The following DST variants were observed in gnomAD, a reference collection of about 807,000 sequenced individuals.
The protein encoded by DST is dystonin.
DST carries 253 observed loss-of-function variants against 875.2 expected under a neutral mutation model. The ratio of observed to expected loss-of-function variants is 0.29; its 90% CI spans 0.26 to 0.32. The LOEUF (loss-of-function observed/expected upper bound fraction) is 0.32, where lower values mean the gene tolerates loss of function less well. Among genes scored for constraint, DST ranks in the 10% least tolerant of loss-of-function variants. The pLI, the probability that DST is intolerant of heterozygous loss-of-function variation, is 1.00. For missense variants in DST, 8,287 were observed against 9,111.6 expected, an observed-to-expected ratio of 0.91 and a Z score of 3.68; for synonymous variants, 3,124 against 3,197.1, an observed-to-expected ratio of 0.98 and a Z score of 0.77.
chr6:56,869,637 T>G lies in DST; in HGVS notation c.418-18033A>C, dbSNP rs554585226. ...ACCACAAGCTGATTCTCATGTGTAT[T>G]TTATGGCCCAAGTTCACACAATCTA... is the stretch of plus-strand genomic sequence containing the variant. On this transcript the variant is annotated intron_variant, in intron 3 of 103. Coordinates refer to ENST00000680361, the MANE Select transcript of DST (RefSeq NM_001374736.1). Among the ~76,000 whole-genome samples, 16 of 152,264 alleles carry G rather than the reference T, an allele frequency of 1.1e-4. No individual in the cohort carries two copies. In the South Asian group the frequency reaches 2.5e-3, roughly 24 times the overall value.
chr6:56,484,926 A>T, intron 88 of DST: 1 of 180,960 alleles, frequency 5.5e-6, no homozygotes, highest in South Asian at 1.2e-4. Context: ...CTACATACTT[A>T]TGCAATGACT....
At position 56,604,228 on chromosome 6, in the gene DST, T is replaced by A; in HGVS notation, c.10400A>T (p.Glu3467Val). The change falls in exon 40 of 104, where the codon GAA (glutamate) becomes GTA (valine). Residue 3467 changes from glutamate (E) to valine (V), a missense_variant. Physicochemically the swap from Glu to Val is moderately radical, Grantham distance 121. This residue lies in a region of DST where 3,138 missense variants were observed against 3,116.6 expected (regional missense o/e 1.01). Transcript: ENST00000680361. ...TAGGTCATACTCCATATGAGTTAAT[T>A]CTCTCATCAATTCAAATACTCCTGT... ...KITGVFELMR[E>V]LTHMEYDLEK... is the part of the protein sequence containing the mutation. 1 of 1,608,964 alleles carries A rather than the reference T, an allele frequency of 6.2e-7. No individual in the cohort carries two copies. The highest frequency in any genetic ancestry group is 8.5e-7 in the Non-Finnish European group (1 of 1,177,212).
chr6:56,805,076 T>G (rs1446603172), intron 4 of DST, among the ~76,000 whole-genome samples: 1 of 152,098 alleles, frequency 6.6e-6, no homozygotes, highest in East Asian at 1.9e-4. Context: ...TCAGATTACT[T>G]TTGTCTGTAA....
At chr6:56,484,501 G>T (rs1025740191) in intron 88 of DST, 9 of 152,040 alleles carry the variant, frequency 5.9e-5, no homozygotes, top group Admixed American at 3.9e-4. Flanking sequence ...ATTATAAATG[G>T]AATAAGTTTT....
intron 69 of DST, among the ~76,000 whole-genome samples, chr6:56,518,947 T>G (rs1354144895): frequency 6.6e-6 from 1 of 152,168 alleles, no homozygotes; most frequent in African/African-American, 2.4e-5. Flanking sequence ...TGCAACACTA[T>G]GCCAACTCAT....
intron 5 of DST, among the ~76,000 whole-genome samples, chr6:56,712,622 T>G (rs1011091824): frequency 6.6e-6 from 1 of 152,206 alleles, no homozygotes; most frequent in Non-Finnish European, 1.5e-5. Flanking sequence ...TAACAAAGTC[T>G]GCTTGACACA....
At chr6:56,723,520 C>T (rs1036378407) in intron 5 of DST, among the ~76,000 whole-genome samples, 1 of 152,036 alleles carries the variant, frequency 6.6e-6, no homozygotes, top group Non-Finnish European at 1.5e-5. Context: ...GCCAAGATCA[C>T]ACCACTGCAC....
chr6:56,471,092 G>T lies in DST; in HGVS notation c.22321+14C>A, dbSNP rs1479338877. On this transcript the variant is annotated intron_variant, in intron 95 of 103. Transcript: ENST00000680361. ...AAAATTGTATCAGTCATAGTCATCT[G>T]TCTTGGAACTTACTTGAGGAAAGAA... 6.2e-7 allele frequency: 1 copy of T among 1,608,816 alleles called. No individual in the cohort carries two copies. Among genetic ancestry groups the T allele is most frequent in the Non-Finnish European group, 8.5e-7 (1 of 1,177,112 alleles).
intron 31 of DST, among the ~76,000 whole-genome samples, chr6:56,629,867 T>C (rs2098763641): frequency 6.6e-6 from 1 of 152,236 alleles, no homozygotes; most frequent in African/African-American, 2.4e-5. Flanking sequence ...GAAATACACA[T>C]AGATGAGTTG....
chr6:56,687,997 A>T (rs2099200046), intron 9 of DST, among the ~76,000 whole-genome samples: 1 of 152,152 alleles, frequency 6.6e-6, no homozygotes, highest in South Asian at 2.1e-4. Context: ...ATACAAACAG[A>T]GGGGAAAGGC....
chr6:56,656,458 A>G (rs1249569365), intron 10 of DST, among the ~76,000 whole-genome samples: 1 of 152,238 alleles, frequency 6.6e-6, no homozygotes, highest in Non-Finnish European at 1.5e-5. Context: ...AACAGGGACT[A>G]ATAAATACTG....
At chr6:56,742,929 G>C (rs540424299) in intron 4 of DST, among the ~76,000 whole-genome samples, 4 of 152,292 alleles carry the variant, frequency 2.6e-5, no homozygotes, top group Non-Finnish European at 5.9e-5. Context: ...GAGTTGGGTA[G>C]TACTGTCCTC....
chr6:56,812,856 C>T (rs1363964447), intron 4 of DST, among the ~76,000 whole-genome samples: 1 of 152,050 alleles, frequency 6.6e-6, no homozygotes, highest in Non-Finnish European at 1.5e-5. Flanking sequence ...ACTAGAAATA[C>T]CATTTGACCC....
rs1219538001 is a variant in DST, at chr6:56,608,985, A to G, written c.5643T>C (p.Ser1881=). ...KVLEILLSTG[S]LVIPATGEQL... is the part of the protein sequence containing the mutation. The stretch of plus-strand genomic sequence containing the variant: ...GTTCTCCTGTGGCTGGAATAACCAG[A>G]GAGCCTGTAGAAAGCAGTATCTCAA... Residue 1881 remains serine, a synonymous_variant, in exon 40 of 104, where the codon TCT becomes TCC. Transcript: ENST00000680361. 1 of 1,613,900 alleles carries G rather than the reference A, an allele frequency of 6.2e-7. No homozygotes were observed. The highest frequency in any genetic ancestry group is 8.5e-7 in the Non-Finnish European group (1 of 1,179,796).
At chr6:56,583,161 G>A (rs1302940723) in intron 49 of DST, among the ~76,000 whole-genome samples, 1 of 152,194 alleles carries the variant, frequency 6.6e-6, no homozygotes, top group East Asian at 1.9e-4. Context: ...GATCCCTGAG[G>A]AATTGCCACA....
At chr6:56,905,742 G>A (rs1338241659) in intron 2 of DST, among the ~76,000 whole-genome samples, 2 of 151,450 alleles carry the variant, frequency 1.3e-5, no homozygotes, top group African/African-American at 2.4e-5. Flanking sequence ...TCCACCTCCC[G>A]GGCTCAAGCA....
intron 2 of DST, among the ~76,000 whole-genome samples, chr6:56,933,469 A>C (rs1811321133): frequency 1.3e-5 from 2 of 152,218 alleles, no homozygotes; most frequent in South Asian, 2.1e-4. Flanking sequence ...CCTTTCTTCC[A>C]CTGCAAACCT....
Position 56,619,462 on chromosome 6 carries a change from C to T in DST, c.4930-4978G>A, listed in dbSNP as rs774647287. On this transcript the variant is annotated intron_variant, in intron 36 of 103. Coordinates refer to ENST00000680361, the MANE Select transcript of DST (RefSeq NM_001374736.1). Reference sequence around the variant, plus strand: ...GTTCTTTTAGATGATCTGATTTTCTCTGGCAGATTTGTAGTCTTTCTAATT... The same window carrying T: ...GTTCTTTTAGATGATCTGATTTTCTTTGGCAGATTTGTAGTCTTTCTAATT... 14 of 1,611,852 alleles carry T rather than the reference C, an allele frequency of 8.7e-6. No individual in the cohort carries two copies. In the South Asian group the frequency reaches 1.6e-4, roughly 18 times the overall value.
chr6:56,593,999 G>A lies in DST; in HGVS notation c.12390C>T (p.His4130=). 6.2e-7 allele frequency: 1 copy of A among 1,613,840 alleles called. No homozygotes were observed. The highest frequency in any genetic ancestry group is 1.1e-5 in the South Asian group (1 of 91,078). The change falls in exon 48 of 104, where the codon CAC becomes CAT. Residue 4130 remains histidine, a synonymous_variant. Transcript: ENST00000680361. ...ACTTTTCTAATTCTTCCTGCAGAGA[G>A]TGAGTTAACTTCATTTTCTTCTCTG... ...AESEKKMKLT[H]SLQEELEKFD... is the part of the protein sequence containing the mutation.
Sources: gnomAD v4.1 joint callset for allele counts (sites outside exome capture counted in the v4.1 genomes callset) on GRCh38, gnomAD v4.1.1 for gene constraint, gnomAD v4.1.1 regional missense constraint, MANE v1.5 for transcripts, NCBI Gene and HGNC (gene_info 2026-07-23, HGNC 2026-07-21) for gene names.